Variants in NELL1 observed in about 807,000 individuals in gnomAD.
The protein encoded by NELL1 is neural EGFL like 1.
In NELL1, 76 loss-of-function variants were observed where a neutral mutation model predicts 107.4. That is an observed-to-expected ratio of 0.71 (90% CI 0.59 to 0.86). The LOEUF is 0.86. Among genes scored for constraint, NELL1 ranks in the 40% least tolerant of loss-of-function variants. The pLI, the probability that NELL1 is intolerant of heterozygous loss-of-function variation, is 0.00. For missense variants in NELL1, 1,024 were observed against 1,005.5 expected (o/e 1.02, Z -0.25); for synonymous variants, 353 against 341.2 (o/e 1.03, Z -0.38).
intron 5 of NELL1, among the ~76,000 whole-genome samples, chr11:20,895,106 C>G: frequency 6.9e-6 from 1 of 143,974 alleles, no homozygotes; most frequent in East Asian, 2.0e-4. Context: ...CCCGTCTCTA[C>G]TAAAAATACA....
chr11:20,927,955 C>T (rs755853147), intron 8 of NELL1, among the ~76,000 whole-genome samples: 7 of 152,160 alleles, frequency 4.6e-5, no homozygotes, highest in Non-Finnish European at 8.8e-5. Flanking sequence ...CAACATCCCC[C>T]TCCAAAAATT....
At chr11:20,903,006 AT>A (rs1849911707) in intron 5 of NELL1, among the ~76,000 whole-genome samples, 1 of 152,064 alleles carries the variant, frequency 6.6e-6, no homozygotes, top group African/African-American at 2.4e-5. Flanking sequence ...TGGGAGTTTT[AT>A]TAGGGTTGTG....
chr11:20,849,754 AG>A (rs1221859704), intron 4 of NELL1, among the ~76,000 whole-genome samples: 1 of 152,192 alleles, frequency 6.6e-6, no homozygotes, highest in East Asian at 1.9e-4. Flanking sequence ...ATGGACCCAA[AG>A]ACTGGTCATA....
intron 2 of NELL1, among the ~76,000 whole-genome samples, chr11:20,686,564 T>G (rs1475646056): frequency 2.0e-5 from 3 of 152,142 alleles, no homozygotes; most frequent in African/African-American, 7.2e-5. Flanking sequence ...GGGAAAGTGA[T>G]GTACAAAAAA....
chr11:20,944,367 G>A (rs1366085644), intron 10 of NELL1, among the ~76,000 whole-genome samples: 1 of 152,010 alleles, frequency 6.6e-6, no homozygotes, highest in Non-Finnish European at 1.5e-5. Flanking sequence ...AACTCTCCTA[G>A]CAGTCTTATT....
At chr11:20,885,947 A>G (rs1309420350) in intron 5 of NELL1, among the ~76,000 whole-genome samples, 3 of 152,242 alleles carry the variant, frequency 2.0e-5, no homozygotes. Context: ...GTAGATGTCT[A>G]GATATGAAAA....
chr11:20,861,453 C>T (rs1178258926), intron 4 of NELL1, among the ~76,000 whole-genome samples: 2 of 152,156 alleles, frequency 1.3e-5, no homozygotes, highest in South Asian at 2.1e-4. Context: ...ACCTGCAAGC[C>T]TCTAGCCTCC....
chr11:20,909,686 C>A (rs1850082378), intron 5 of NELL1, among the ~76,000 whole-genome samples: 1 of 151,992 alleles, frequency 6.6e-6, no homozygotes, highest in South Asian at 2.1e-4. Context: ...TCCTCTGCAA[C>A]CTTCTCTCAT....
At chr11:21,015,019 T>C (rs899889788) in intron 12 of NELL1, among the ~76,000 whole-genome samples, 1 of 152,136 alleles carries the variant, frequency 6.6e-6, no homozygotes, top group Non-Finnish European at 1.5e-5. Context: ...GTTCACTGAC[T>C]TGAACTTTGT....
At chr11:21,466,552 T>C (rs1854036779) in intron 15 of NELL1, among the ~76,000 whole-genome samples, 1 of 152,176 alleles carries the variant, frequency 6.6e-6, no homozygotes, top group African/African-American at 2.4e-5. Context: ...TGAATCCTAC[T>C]CTGGAGCAAT....
At chr11:21,060,495 T>C (rs1223118706) in intron 12 of NELL1, among the ~76,000 whole-genome samples, 3 of 152,208 alleles carry the variant, frequency 2.0e-5, no homozygotes, top group African/African-American at 7.2e-5. Flanking sequence ...CTATATAACA[T>C]TGCAACCTAG....
At chr11:21,157,494 C>T (rs184983921) in intron 13 of NELL1, among the ~76,000 whole-genome samples, 1 of 152,282 alleles carries the variant, frequency 6.6e-6, no homozygotes, top group African/African-American at 2.4e-5. Context: ...TGATGATTGA[C>T]ATAGTACACG....
intron 2 of NELL1, among the ~76,000 whole-genome samples, chr11:20,766,751 T>G (rs936196581): frequency 8.5e-5 from 13 of 152,122 alleles, no homozygotes; most frequent in African/African-American, 2.9e-4. Flanking sequence ...TTTTTTTTTT[T>G]TTTTTGTTTC....
rs1564894973 is a variant in NELL1, at chr11:20,755,545, T to TTTTA, written c.185-28132_185-28131insATTT. Among the ~76,000 whole-genome samples the TTTTA allele has an allele frequency of 1.6e-3, 65 of 40,514 alleles. 1 individual carries two copies. Among genetic ancestry groups the TTTTA allele is most frequent in the East Asian group, 0.012 (10 of 844 alleles). The allele number at this position is 40,514 out of a possible 152,430, so 26.6% of individuals were successfully genotyped here. A position where few individuals can be genotyped will look rare whatever the true frequency, so the allele number is the denominator to read the frequency against. ...AAAGACCTGTGTGGGTTTTTGTTTT[T>TTTTA]TTTTGTTTTTGTTTTTGTTTTTTTT... On this transcript the variant is annotated intron_variant, in intron 2 of 19. Transcript: ENST00000357134.
intron 11 of NELL1, among the ~76,000 whole-genome samples, chr11:20,948,777 A>G (rs901764060): frequency 2.6e-5 from 4 of 151,560 alleles, no homozygotes; most frequent in Non-Finnish European, 5.9e-5. Flanking sequence ...AAAAAAAAAA[A>G]AAAAAAAAAA....
chr11:21,081,162 T>C (rs1460353461), intron 12 of NELL1, among the ~76,000 whole-genome samples: 1 of 152,152 alleles, frequency 6.6e-6, no homozygotes, highest in Non-Finnish European at 1.5e-5. Context: ...CCAGGAGACA[T>C]ATCACTGCTG....
At chr11:20,922,415 C>T (rs1275914341) in intron 7 of NELL1, among the ~76,000 whole-genome samples, 1 of 151,316 alleles carries the variant, frequency 6.6e-6, no homozygotes, top group African/African-American at 2.4e-5. Flanking sequence ...TTGGTGAAGT[C>T]CTTCAGGGTA....
At position 20,934,484 on chromosome 11, in the gene NELL1, G is replaced by A. The variant is rs118111559; in HGVS notation, c.998-3302G>A. 8.5e-3 allele frequency among the ~76,000 whole-genome samples: 1,302 copies of A among 152,296 alleles called. 10 individuals carry two copies. Among genetic ancestry groups the A allele is most frequent in the South Asian group, 0.018 (88 of 4,822 alleles). ...GTGTGGTGTGAATGTAAACAATGAG[G>A]CATTTTTATCTCCAGATTAGGAGTT... On this transcript the variant is annotated intron_variant, in intron 9 of 19. Transcript: ENST00000357134.
chr11:21,105,306 A>G (rs11025923), intron 12 of NELL1, among the ~76,000 whole-genome samples: 57,265 of 152,030 alleles, frequency 0.38, 11,895 homozygotes, highest in African/African-American at 0.55. Flanking sequence ...ATTTCTGCCC[A>G]AGGCAAAGTG....
Sources: allele counts gnomAD v4.1 joint callset (sites outside exome capture counted in the v4.1 genomes callset), GRCh38; gene constraint gnomAD v4.1.1; transcripts MANE v1.5; gene names NCBI Gene and HGNC (gene_info 2026-07-23, HGNC 2026-07-21).